Variants in CNTN5 observed in about 807,000 individuals in gnomAD.
CNTN5 encodes the protein contactin-5.
A neutral mutation model predicts 129.1 loss-of-function variants in CNTN5; 77 were observed. That is an observed-to-expected ratio of 0.60 (90% confidence interval 0.50 to 0.72). The LOEUF is 0.72. Among genes scored for constraint, CNTN5 ranks in the 30% least tolerant of loss-of-function variants. CNTN5 has a pLI of 0.00. For synonymous variants in CNTN5, 509 were observed against 465.6 expected, an observed-to-expected ratio of 1.09 and a Z score of -1.20; for missense variants, 1,478 against 1,328.8, an observed-to-expected ratio of 1.11 and a Z score of -1.75.
intron 1 of CNTN5, among the ~76,000 whole-genome samples, chr11:99,324,884 G>A (rs988902796): frequency 8.6e-5 from 13 of 152,006 alleles, no homozygotes; most frequent in South Asian, 4.1e-4. Context: ...CTCGTGATCC[G>A]CCTGCCTCGG....
chr11:99,310,280 A>C lies in CNTN5; in HGVS notation c.-209-15066A>C, dbSNP rs1486378522. ...AAAGAAATTTGGAAATATGCATCAAATAGTGAAAATTTTTCAACTTCTATG... is the reference window on the plus strand; with the variant it reads ...AAAGAAATTTGGAAATATGCATCAACTAGTGAAAATTTTTCAACTTCTATG... On this transcript the variant is annotated intron_variant, in intron 1 of 24. Coordinates refer to ENST00000524871, the MANE Select transcript of CNTN5 (RefSeq NM_014361.4). Among the ~76,000 whole-genome samples, 3 of 152,170 alleles carry C rather than the reference A, an allele frequency of 2.0e-5. No individual in the cohort carries two copies. The East Asian group carries it at 5.8e-4, about 29-fold the overall frequency.
Position 99,634,938 on chromosome 11 carries a change from C to T in CNTN5, c.55+78669C>T, listed in dbSNP as rs184121538. Among the ~76,000 whole-genome samples, 6 of 152,138 alleles carry T rather than the reference C, an allele frequency of 3.9e-5. No individual in the cohort carries two copies. The East Asian group carries it at 5.8e-4, about 15-fold the overall frequency. ...ATGGAACTCTCACCGGTGTAATTAA[C>T]GTAAGGTTTGCTCATTGCAATGAAA... On this transcript the variant is annotated intron_variant, in intron 3 of 24. Transcript: ENST00000524871.
intron 1 of CNTN5, among the ~76,000 whole-genome samples, chr11:99,114,827 C>A (rs1379576060): frequency 6.6e-6 from 1 of 152,076 alleles, no homozygotes; most frequent in Non-Finnish European, 1.5e-5. Flanking sequence ...TAGTGAGTAT[C>A]AAACAATCCG....
At position 99,541,956 on chromosome 11, in the gene CNTN5, CAAAAAAAAAAA is replaced by C. The variant is rs56363127; in HGVS notation, c.-70-14176_-70-14166del. On this transcript the variant is annotated intron_variant, in intron 2 of 24. Transcript: ENST00000524871. ...TTGGTGACAGAGGGAGATCTTGTCTCAAAAAAAAAAAAAAAAAAAAAAAGAAAAGAAAAGAA... is the reference window on the plus strand; with the variant it reads ...TTGGTGACAGAGGGAGATCTTGTCTCAAAAAAAAAAAAGAAAAGAAAAGAA... Among the ~76,000 whole-genome samples, 683 of 68,940 alleles carry C rather than the reference CAAAAAAAAAAA, an allele frequency of 9.9e-3. 11 individuals are homozygous for C. The highest frequency in any genetic ancestry group is 0.038 in the African/African-American group (656 of 17,296). The allele number at this position is 68,940 out of a possible 152,430, so 45.2% of individuals were successfully genotyped here.
intron 9 of CNTN5, among the ~76,000 whole-genome samples, chr11:100,004,488 C>T (rs1292363237): frequency 6.6e-6 from 1 of 152,116 alleles, no homozygotes; most frequent in Non-Finnish European, 1.5e-5. Flanking sequence ...ACTTTTTAAT[C>T]CCTTTTTTAC....
chr11:99,556,995 G>T (rs894670540), intron 3 of CNTN5, among the ~76,000 whole-genome samples: 2 of 151,068 alleles, frequency 1.3e-5, no homozygotes, highest in Non-Finnish European at 3.0e-5. Context: ...TAATTTAAGC[G>T]CTATGCATGT....
intron 6 of CNTN5, among the ~76,000 whole-genome samples, chr11:99,853,197 T>C (rs1372065078): frequency 6.6e-6 from 1 of 152,124 alleles, no homozygotes; most frequent in African/African-American, 2.4e-5. Flanking sequence ...TAATTACACC[T>C]GAGTCAAAGA....
intron 1 of CNTN5, among the ~76,000 whole-genome samples, chr11:99,203,852 C>G (rs991067231): frequency 6.6e-6 from 1 of 152,206 alleles, no homozygotes; most frequent in Non-Finnish European, 1.5e-5. Flanking sequence ...CCCGACTCAG[C>G]CTCCCAAAAT....
intron 13 of CNTN5, among the ~76,000 whole-genome samples, chr11:100,107,488 CTTTT>C (rs10630943): frequency 1.5e-5 from 2 of 130,504 alleles, no homozygotes; most frequent in African/African-American, 2.8e-5. Flanking sequence ...CTATAGTATT[CTTTT>C]TTTTTTTTTT....
At chr11:100,109,107 TA>T (rs1945556245) in intron 13 of CNTN5, among the ~76,000 whole-genome samples, 1 of 152,128 alleles carries the variant, frequency 6.6e-6, no homozygotes, top group African/African-American at 2.4e-5. Flanking sequence ...AAATCACAAA[TA>T]ACGCTAGAAT....
intron 4 of CNTN5, among the ~76,000 whole-genome samples, chr11:99,842,879 T>C (rs1947558244): frequency 6.6e-6 from 1 of 152,212 alleles, no homozygotes; most frequent in Non-Finnish European, 1.5e-5. Flanking sequence ...CAATATAATT[T>C]GGTACAGTGA....
intron 3 of CNTN5, among the ~76,000 whole-genome samples, chr11:99,792,573 G>GTCTCTGTC (rs1555113490): frequency 1.7e-5 from 2 of 116,614 alleles, no homozygotes; most frequent in African/African-American, 3.7e-5. Flanking sequence ...GTGTGTGTGT[G>GTCTCTGTC]TGTCTGTCTG....
intron 13 of CNTN5, among the ~76,000 whole-genome samples, chr11:100,129,436 T>C (rs185262380): frequency 3.7e-4 from 56 of 152,250 alleles, no homozygotes; most frequent in Non-Finnish European, 6.5e-4. Flanking sequence ...TTTACACTTA[T>C]ACACAGACAC....
chr11:99,382,845 CTTTTTTTTTTT>C (rs1163660333), intron 2 of CNTN5, among the ~76,000 whole-genome samples: 35 of 77,044 alleles, frequency 4.5e-4, no homozygotes, highest in African/African-American at 1.4e-3. Context: ...CTCTAAATAA[CTTTTTTTTTTT>C]TTTTTTTTTT....
At chr11:99,830,704 C>T (rs1350582618) in intron 4 of CNTN5, among the ~76,000 whole-genome samples, 1 of 152,026 alleles carries the variant, frequency 6.6e-6, no homozygotes, top group African/African-American at 2.4e-5. Flanking sequence ...GTCTTATGAC[C>T]ATTCATCAAA....
intron 2 of CNTN5, among the ~76,000 whole-genome samples, chr11:99,467,210 T>G (rs966438922): frequency 2.0e-5 from 3 of 152,160 alleles, no homozygotes; most frequent in African/African-American, 7.2e-5. Flanking sequence ...TATAGTTATA[T>G]CCAAATGATT....
At chr11:99,909,744 A>G (rs909492282) in intron 6 of CNTN5, among the ~76,000 whole-genome samples, 89 of 150,768 alleles carry the variant, frequency 5.9e-4, no homozygotes, top group African/African-American at 2.2e-3. Flanking sequence ...TCTCACTCAT[A>G]GGTGGGAATT....
At chr11:99,433,371 A>AAATGTGTGTGTGTG (rs1555143805) in intron 2 of CNTN5, among the ~76,000 whole-genome samples, 43 of 140,834 alleles carry the variant, frequency 3.1e-4, no homozygotes, top group Admixed American at 2.9e-3. Context: ...TAAAAAAAAA[A>AAATGTGTGTGTGTG]TGTGTGTGTG....
intron 1 of CNTN5, among the ~76,000 whole-genome samples, chr11:99,267,324 T>C (rs1287944036): frequency 2.6e-5 from 4 of 152,012 alleles, no homozygotes; most frequent in Non-Finnish European, 5.9e-5. Context: ...AGGTAAATGG[T>C]GGAAATATTC....
Sources: allele counts gnomAD v4.1 joint callset (sites outside exome capture counted in the v4.1 genomes callset), GRCh38; gene constraint gnomAD v4.1.1; transcripts MANE v1.5; gene names NCBI Gene and HGNC (gene_info 2026-07-23, HGNC 2026-07-21).